Variants in SIRT2 observed in about 807,000 individuals in gnomAD.
SIRT2 encodes NAD-dependent protein deacetylase sirtuin-2.
A neutral mutation model predicts 57.4 loss-of-function variants in SIRT2; 40 were observed. That is an observed-to-expected ratio of 0.70 (90% confidence interval 0.54 to 0.91). SIRT2 has a LOEUF of 0.91. SIRT2 is among the 40% of genes least tolerant of loss of function. The pLI is 0.00. For synonymous variants in SIRT2, 161 were observed against 195.7 expected (o/e 0.82, Z 1.48); for missense variants, 439 against 510.4 (o/e 0.86, Z 1.35).
chr19:38,886,775 C>G (rs942084368), intron 8 of SIRT2, among the ~76,000 whole-genome samples: 1 of 151,928 alleles, frequency 6.6e-6, no homozygotes, highest in Non-Finnish European at 1.5e-5. Context: ...GCACGCACCA[C>G]CACACCCAGC....
In SIRT2 at chr19:38,889,764, G is replaced by A; in HGVS notation, c.376-19C>T. ...GATGTTTCTGTAGGAGAGACAGCCA[G>A]AGGGCCAGATGCCCCAGGTAGCGTG... On this transcript the variant is annotated intron_variant, in intron 6 of 15. Coordinates refer to ENST00000249396, the MANE Select transcript of SIRT2 (RefSeq NM_012237.4). 1 of 1,614,182 alleles carries A rather than the reference G, an allele frequency of 6.2e-7. No homozygotes were observed. Among genetic ancestry groups the A allele is most frequent in the Non-Finnish European group, 8.5e-7 (1 of 1,180,014 alleles).
At chr19:38,881,038 A>C (rs1418363972) in intron 11 of SIRT2, 62 bp downstream of exon 11, 1 of 1,566,008 alleles carries the variant, frequency 6.4e-7, no homozygotes, top group Non-Finnish European at 8.8e-7. Flanking sequence ...GGCTGCCCCC[A>C]TGGGGCCCAG....
chr19:38,893,057 A>G (rs552330399), intron 4 of SIRT2, among the ~76,000 whole-genome samples: 1 of 151,988 alleles, frequency 6.6e-6, no homozygotes, highest in African/African-American at 2.4e-5. Context: ...ACCGGGACCA[A>G]TGGGAGCCAA....
At chr19:38,893,955 T>C in intron 2 of SIRT2, 88 bp from the exon 3 acceptor site, 6 of 1,593,322 alleles carry the variant, frequency 3.8e-6, no homozygotes, top group Non-Finnish European at 5.1e-6. Context: ...GGGAAAAGGC[T>C]GTGGCAGGAA....
intron 11 of SIRT2, 77 bp downstream of exon 11, chr19:38,881,023 G>T (rs973357494): frequency 3.5e-5 from 55 of 1,554,142 alleles, no homozygotes; most frequent in Middle Eastern, 2.0e-4. Context: ...CTGAGGCAGG[G>T]CCCAGGCTGC....
At chr19:38,892,395 C>CAAA (rs563077354) in intron 4 of SIRT2, among the ~76,000 whole-genome samples, 1,496 of 126,574 alleles carry the variant, frequency 0.012, 36 homozygotes, top group African/African-American at 0.039. Context: ...GACTCCATCT[C>CAAA]AAAAAAAAAA....
At chr19:38,883,472 G>A (rs112030594) in intron 9 of SIRT2, among the ~76,000 whole-genome samples, 155 bp downstream of exon 9, 22 of 152,238 alleles carry the variant, frequency 1.4e-4, no homozygotes, top group African/African-American at 5.3e-4. Flanking sequence ...TGAACTCCCC[G>A]CGTGGGCGAC....
chr19:38,888,641 T>G (rs995845497), intron 8 of SIRT2, among the ~76,000 whole-genome samples: 1 of 152,216 alleles, frequency 6.6e-6, no homozygotes, highest in Non-Finnish European at 1.5e-5. Context: ...AAGGTGCCCC[T>G]TCCTTAAGGC....
intron 1 of SIRT2, 103 bp from the exon 2 acceptor site, chr19:38,898,528 G>A (rs1294335696): frequency 2.1e-6 from 1 of 485,946 alleles, no homozygotes; most frequent in African/African-American, 1.9e-5. Flanking sequence ...CACCAACCTA[G>A]TTACACTGGG....
At position 38,879,241 on chromosome 19, in the gene SIRT2, TG is replaced by T; in HGVS notation, c.1083del (p.Asn362ThrfsTer93). ...SIDAQSGAGV[P>X]NPSTSASPKK... ...TTGGGGGAAGCTGAAGTGCTGGGGT[TG>T]GGGACCCCCGCCCCCGACTGGGCAT... is the stretch of plus-strand genomic sequence containing the variant. On this transcript the variant is annotated frameshift_variant, in exon 16 of 16. Coordinates refer to ENST00000249396, the MANE Select transcript of SIRT2 (RefSeq NM_012237.4). LOFTEE classifies it high-confidence loss of function. 6.2e-7 allele frequency: 1 copy of T among 1,604,128 alleles called. No individual in the cohort carries two copies.
chr19:38,899,345 A>AG (rs1229675144), intron 1 of SIRT2, among the ~76,000 whole-genome samples, 161 bp downstream of exon 1: 1 of 152,208 alleles, frequency 6.6e-6, no homozygotes. Flanking sequence ...GAAACCCACC[A>AG]GCCTAGCGAT....
At chr19:38,897,953 C>T (rs575129255) in intron 2 of SIRT2, among the ~76,000 whole-genome samples, 1 of 152,348 alleles carries the variant, frequency 6.6e-6, no homozygotes, top group East Asian at 1.9e-4. Context: ...ATCCTCGCGC[C>T]TCAGTCTCCT....
In SIRT2 at chr19:38,880,902, G is replaced by A. The variant is rs201896797; in HGVS notation, c.748-5C>T. 2.2e-5 allele frequency: 35 copies of A among 1,613,042 alleles called. No individual in the cohort carries two copies. Among genetic ancestry groups the A allele is most frequent in the East Asian group, 1.6e-4 (7 of 44,890 alleles). On this transcript the variant is annotated splice_polypyrimidine_tract_variant and splice_region_variant and intron_variant, in intron 11 of 15. Transcript: ENST00000249396. The surrounding 1 kb of genome is among the most constrained non-coding windows in gnomAD (Gnocchi z 4.1). The stretch of plus-strand genomic sequence containing the variant: ...GAGGTCCACCTTCAGGAAGTCCTGC[G>A]GGGAGGGGCGTGAGCTTGGGAGCCT...
intron 4 of SIRT2, chr19:38,891,926 G>C (rs1354704436): frequency 2.1e-6 from 1 of 469,944 alleles, no homozygotes; most frequent in Non-Finnish European, 4.4e-6. Flanking sequence ...GGGAGGCTCA[G>C]GGCAGCAGGC....
chr19:38,886,531 G>A (rs896752250), intron 8 of SIRT2, among the ~76,000 whole-genome samples: 28 of 149,622 alleles, frequency 1.9e-4, no homozygotes, highest in Admixed American at 1.8e-3. Context: ...ATAGCTCACT[G>A]TAGCCTTGAA....
chr19:38,885,757 A>G (rs1265035480), intron 8 of SIRT2, among the ~76,000 whole-genome samples: 1 of 151,654 alleles, frequency 6.6e-6, no homozygotes, highest in East Asian at 1.9e-4. Flanking sequence ...TGCCTAGCTA[A>G]TTTTTGTATT....
chr19:38,890,952 C>A (rs1273770781), intron 4 of SIRT2, among the ~76,000 whole-genome samples: 1 of 152,232 alleles, frequency 6.6e-6, no homozygotes, highest in African/African-American at 2.4e-5. Context: ...AGCACAAAGC[C>A]TGCCACAGCT....
chr19:38,892,518 C>T (rs1018345378), intron 4 of SIRT2, among the ~76,000 whole-genome samples: 5 of 152,210 alleles, frequency 3.3e-5, no homozygotes, highest in Non-Finnish European at 5.9e-5. Context: ...ACAGCTCTCG[C>T]TATGTTCCAG....
At chr19:38,881,987 C>T (rs1973169096) in intron 9 of SIRT2, among the ~76,000 whole-genome samples, 1 of 151,094 alleles carries the variant, frequency 6.6e-6, no homozygotes, top group South Asian at 2.1e-4. Flanking sequence ...CTGCGCCCGG[C>T]CTTATTGGTT....
Sources: allele counts gnomAD v4.1 joint callset (sites outside exome capture counted in the v4.1 genomes callset), GRCh38; gene constraint gnomAD v4.1.1; non-coding constraint Gnocchi (gnomAD v3.1); transcripts MANE v1.5; gene names NCBI Gene and HGNC (gene_info 2026-07-23, HGNC 2026-07-21).